ATE1: variants seen among roughly 807,000 people sequenced by gnomAD.
The protein encoded by ATE1 is arginyl-tRNA--protein transferase 1.
A neutral mutation model predicts 70.5 loss-of-function variants in ATE1; 36 were observed. That is an observed-to-expected ratio of 0.51 (90% CI 0.39 to 0.67). The LOEUF (loss-of-function observed/expected upper bound fraction) is 0.67, where lower values mean the gene tolerates loss of function less well. Ranked by LOEUF, ATE1 falls within the 30% of genes least tolerant of loss-of-function variation. ATE1 has a pLI of 0.00. For synonymous variants in ATE1, 232 were observed against 219.3 expected (o/e 1.06, Z -0.51); for missense variants, 593 against 629.5 (o/e 0.94, Z 0.62).
chr10:121,923,475 G>A (rs895144100), intron 2 of ATE1, among the ~76,000 whole-genome samples: 1 of 152,004 alleles, frequency 6.6e-6, no homozygotes, highest in African/African-American at 2.4e-5. Flanking sequence ...GCAACAGAGC[G>A]AGACCATGTC....
At chr10:121,808,929 T>C (rs1035557829) in intron 10 of ATE1, among the ~76,000 whole-genome samples, 2 of 152,234 alleles carry the variant, frequency 1.3e-5, no homozygotes. Flanking sequence ...CTAAACTCTT[T>C]TGATGTATCT....
chr10:121,752,331 T>C (rs1470096243), intron 11 of ATE1, among the ~76,000 whole-genome samples: 2 of 149,752 alleles, frequency 1.3e-5, no homozygotes, highest in East Asian at 2.0e-4. Flanking sequence ...TCCGGGTTCA[T>C]GCCATTCTCC....
chr10:121,760,734 ATCTG>A (rs1945005233), intron 11 of ATE1, among the ~76,000 whole-genome samples: 2 of 152,240 alleles, frequency 1.3e-5, no homozygotes, highest in South Asian at 4.1e-4. Context: ...CAGCAGCATG[ATCTG>A]AGAAGACTGA....
chr10:121,864,230 G>A (rs1398925479), intron 8 of ATE1, among the ~76,000 whole-genome samples: 1 of 152,242 alleles, frequency 6.6e-6, no homozygotes, highest in African/African-American at 2.4e-5. Context: ...ACAAGGGTCA[G>A]AGGGGAGAAG....
intron 8 of ATE1, among the ~76,000 whole-genome samples, chr10:121,868,286 C>T (rs1466038930): frequency 6.6e-6 from 1 of 152,144 alleles, no homozygotes; most frequent in Non-Finnish European, 1.5e-5. Flanking sequence ...AAAAGAAATT[C>T]ATATTAATTG....
At chr10:121,744,484 T>TTAC (rs1944268054) in intron 11 of ATE1, among the ~76,000 whole-genome samples, 1 of 152,152 alleles carries the variant, frequency 6.6e-6, no homozygotes, top group Non-Finnish European at 1.5e-5. Flanking sequence ...ATGATAAAGT[T>TTAC]TACAACTCTC....
At chr10:121,900,611 C>T (rs1466227095) in intron 6 of ATE1, among the ~76,000 whole-genome samples, 4 of 152,140 alleles carry the variant, frequency 2.6e-5, no homozygotes, top group African/African-American at 9.7e-5. Flanking sequence ...TTTACTTTAA[C>T]ATTATTTACT....
intron 11 of ATE1, among the ~76,000 whole-genome samples, chr10:121,759,184 T>C (rs904692953): frequency 6.6e-6 from 1 of 152,204 alleles, no homozygotes; most frequent in Non-Finnish European, 1.5e-5. Context: ...AAAAGTGCTA[T>C]TCCAGTGAAC....
chr10:121,824,677 C>A lies in ATE1; in HGVS notation c.1257+12041G>T, dbSNP rs7476932. ...GGCCACATCATGATACCAAACAGACCGCCTGAAATCACTTTGTCTACTTTG... is the reference window on the plus strand; with the variant it reads ...GGCCACATCATGATACCAAACAGACAGCCTGAAATCACTTTGTCTACTTTG... On this transcript the variant is annotated intron_variant, in intron 10 of 11. Transcript: ENST00000224652. Among the ~76,000 whole-genome samples the A allele has an allele frequency of 1.1e-3, 162 of 152,010 alleles. 1 individual carries two copies. The highest frequency in any genetic ancestry group is 3.6e-3 in the African/African-American group (150 of 41,466).
intron 6 of ATE1, among the ~76,000 whole-genome samples, chr10:121,901,102 T>C (rs78525391): frequency 0.13 from 20,040 of 151,970 alleles, 1,519 homozygotes; most frequent in East Asian, 0.19. Context: ...CCTGTCTCTA[T>C]TAAAAATATC....
rs763947726 is a variant in ATE1 at position 121,911,079 on chromosome 10, T to G, written c.410A>C (p.Gln137Pro). The G allele has an allele frequency of 5.0e-6, 8 of 1,612,194 alleles. No individual in the cohort carries two copies. In the East Asian group the frequency reaches 1.1e-4, roughly 22 times the overall value. Residue 137 changes from glutamine (Q) to proline (P), a missense_variant, in exon 5 of 12, where the codon CAG becomes CCG. This residue lies in a region of ATE1 where 467 missense variants were observed against 469.6 expected (regional missense o/e 0.99). Transcript: ENST00000224652. The part of the protein sequence containing the change: ...DFALINKLDI[Q>P]CDLKTLSDDI... ...ATCACTGAGTGTTTTAAGATCACAC[T>G]GTATATCCAGTTTATTTATCAATGC...
intron 7 of ATE1, among the ~76,000 whole-genome samples, chr10:121,891,306 C>G (rs1950571357): frequency 6.6e-6 from 1 of 151,998 alleles, no homozygotes; most frequent in African/African-American, 2.4e-5. Flanking sequence ...TTTTATTATG[C>G]AAATGTGGCC....
intron 8 of ATE1, among the ~76,000 whole-genome samples, chr10:121,853,533 G>A (rs1329584893): frequency 2.6e-5 from 4 of 151,930 alleles, no homozygotes; most frequent in African/African-American, 7.3e-5. Flanking sequence ...CAACCAGTAA[G>A]TATAATGAAA....
intron 7 of ATE1, among the ~76,000 whole-genome samples, chr10:121,890,592 G>A (rs1018001354): frequency 1.3e-5 from 2 of 152,214 alleles, no homozygotes; most frequent in African/African-American, 4.8e-5. Flanking sequence ...GAATGCAGAA[G>A]TATGATGAGA....
chr10:121,865,389 T>C (rs751978722), intron 8 of ATE1, among the ~76,000 whole-genome samples: 2 of 152,338 alleles, frequency 1.3e-5, no homozygotes, highest in Middle Eastern at 3.4e-3. Context: ...GCCTCTCCTA[T>C]AGCTCTCTAC....
At chr10:121,867,792 T>C (rs1949713435) in intron 8 of ATE1, among the ~76,000 whole-genome samples, 1 of 150,850 alleles carries the variant, frequency 6.6e-6, no homozygotes, top group Admixed American at 6.6e-5. Context: ...GTATTTTATA[T>C]GTGTTATTCA....
chr10:121,749,333 T>C (rs958034839), intron 11 of ATE1, among the ~76,000 whole-genome samples: 4 of 152,176 alleles, frequency 2.6e-5, no homozygotes, highest in Non-Finnish European at 5.9e-5. Flanking sequence ...GATATTAACA[T>C]ACAAGCAAAT....
At chr10:121,864,762 T>C (rs893525139) in intron 8 of ATE1, among the ~76,000 whole-genome samples, 1 of 152,178 alleles carries the variant, frequency 6.6e-6, no homozygotes, top group Non-Finnish European at 1.5e-5. Flanking sequence ...AAGGCTTTTT[T>C]AGGGATGTGG....
chr10:121,912,888 C>T (rs935926786), intron 4 of ATE1, among the ~76,000 whole-genome samples: 2 of 126,246 alleles, frequency 1.6e-5, no homozygotes, highest in East Asian at 2.6e-4. Flanking sequence ...GCGTGCACCA[C>T]GAAGCTCGGC....
Sources: gnomAD v4.1 joint callset for allele counts (sites outside exome capture counted in the v4.1 genomes callset) on GRCh38, gnomAD v4.1.1 for gene constraint, gnomAD v4.1.1 regional missense constraint, MANE v1.5 for transcripts, NCBI Gene and HGNC (gene_info 2026-07-23, HGNC 2026-07-21) for gene names.